Variants in UBE4B observed in about 807,000 individuals in gnomAD.
UBE4B encodes ubiquitination factor E4B, also known as ubiquitin conjugation factor E4 B.
Under a neutral mutation model 148.1 loss-of-function variants are expected in UBE4B, and 27 were observed. The ratio of observed to expected loss-of-function variants is 0.18; its 90% CI spans 0.13 to 0.25. The LOEUF (loss-of-function observed/expected upper bound fraction) is 0.25. Ranked by LOEUF, UBE4B falls within the 10% of genes least tolerant of loss-of-function variation. The pLI, the probability that UBE4B is intolerant of heterozygous loss-of-function variation, is 1.00. For missense variants in UBE4B, 1,170 were observed against 1,662.4 expected, an observed-to-expected ratio of 0.70 and a Z score of 5.15; for synonymous variants, 596 against 619.3, an observed-to-expected ratio of 0.96 and a Z score of 0.56.
chr1:10,096,163 C>G (rs193250408), intron 3 of UBE4B, among the ~76,000 whole-genome samples: 1 of 152,162 alleles, frequency 6.6e-6, no homozygotes, highest in South Asian at 2.1e-4. Flanking sequence ...ATAAAGTTGG[C>G]AAGCATATGC....
chr1:10,119,492 A>C (rs747287073), intron 8 of UBE4B, 21 bp from the exon 9 acceptor site: 1 of 1,612,178 alleles, frequency 6.2e-7, no homozygotes. Flanking sequence ...TGTCGTCCTC[A>C]CTTCCACCTT....
At position 10,095,522 on chromosome 1, in the gene UBE4B, T is replaced by C. The variant is rs1028237953; in HGVS notation, c.273T>C (p.Asn91=). The C allele has an allele frequency of 6.8e-6, 11 of 1,614,046 alleles. No individual in the cohort carries two copies. In the Admixed American group the frequency reaches 8.3e-5, roughly 12 times the overall value. ...GVSSLSSSPS[N]SLETQSQSLS... ...GTTCTCTCAGCAGCTCGCCCTCTAA[T>C]AGCCTTGAAACGCAATCTCAGTCTC... is the stretch of plus-strand genomic sequence containing the variant. Residue 91 remains asparagine (N), a synonymous_variant, in exon 3 of 28, where the codon AAT becomes AAC. Transcript: ENST00000343090.
At position 10,095,509 on chromosome 1, in the gene UBE4B, G is replaced by C. The variant is rs775888771; in HGVS notation, c.260G>C (p.Ser87Thr). The C allele has an allele frequency of 3.8e-5, 62 of 1,613,996 alleles. No individual in the cohort carries two copies. The Middle Eastern group carries it at 4.1e-3, about 107-fold the overall frequency. ...AGTGAAGGAGTCAGTTCTCTCAGCA[G>C]CTCGCCCTCTAATAGCCTTGAAACG... is the stretch of plus-strand genomic sequence containing the variant. ...QSSEGVSSLS[S>T]SPSNSLETQS... Residue 87 changes from serine (S) to threonine (T), a missense_variant, in exon 3 of 28, where the codon AGC becomes ACC. Coordinates refer to ENST00000343090, the MANE Select transcript of UBE4B (RefSeq NM_001105562.3).
chr1:10,168,097 G>T lies in UBE4B; in HGVS notation c.3199-39G>T. 6.3e-7 allele frequency: 1 copy of T among 1,595,922 alleles called. No homozygotes were observed. Among genetic ancestry groups the T allele is most frequent in the South Asian group, 1.1e-5 (1 of 89,978 alleles). On this transcript the variant is annotated intron_variant, in intron 23 of 27. Coordinates refer to ENST00000343090, the MANE Select transcript of UBE4B (RefSeq NM_001105562.3). This position sits in a 1 kb window ranked among gnomAD's most constrained non-coding sequence, Gnocchi z 4.9. ...TGGCGCTTTGCTGAGCTGATGACCA[G>T]GACCGAGCCTTACTCAGCGTCTGTT...
chr1:10,072,605 C>T, intron 2 of UBE4B: 6 of 660,556 alleles, frequency 9.1e-6, no homozygotes, highest in South Asian at 1.7e-5. Flanking sequence ...CAGATTTCCT[C>T]GTCTTCATTC....
intron 1 of UBE4B, among the ~76,000 whole-genome samples, chr1:10,055,752 T>C (rs184119926): frequency 6.6e-6 from 1 of 152,132 alleles, no homozygotes; most frequent in African/African-American, 2.4e-5. Flanking sequence ...AAACCCTGTC[T>C]TTACTAAAAA....
intron 25 of UBE4B, among the ~76,000 whole-genome samples, chr1:10,172,160 C>A (rs1646348402): frequency 6.6e-6 from 1 of 152,126 alleles, no homozygotes; most frequent in Non-Finnish European, 1.5e-5. Context: ...CTCCTGTGAG[C>A]AGATCTGTCT....
intron 1 of UBE4B, among the ~76,000 whole-genome samples, chr1:10,047,488 CT>C (rs952378949): frequency 0.038 from 4,383 of 116,048 alleles, 60 homozygotes; most frequent in African/African-American, 0.099. Context: ...CTTCATATAT[CT>C]TTTTTTTTTT....
chr1:10,179,645 G>A, intron 27 of UBE4B, 83 bp downstream of exon 27: 1 of 1,577,778 alleles, frequency 6.3e-7, no homozygotes, highest in South Asian at 1.1e-5. Flanking sequence ...AGATGAAGCA[G>A]AAGGGAAATT....
intron 17 of UBE4B, among the ~76,000 whole-genome samples, chr1:10,139,546 G>C (rs768310047): frequency 1.5e-4 from 23 of 152,226 alleles, no homozygotes; most frequent in Admixed American, 7.2e-4. Flanking sequence ...TCTGTGTGGG[G>C]ATGTTTTTAA....
At position 10,161,327 on chromosome 1, in the gene UBE4B, A is replaced by G; in HGVS notation, c.3198+41A>G. Reference sequence around the variant, plus strand: ...AGAGGCTTGGACAGCTTTGCAGGCCATCTGCCTCCACACACGGGCAGAGCT... The same window carrying G: ...AGAGGCTTGGACAGCTTTGCAGGCCGTCTGCCTCCACACACGGGCAGAGCT... On this transcript the variant is annotated intron_variant, in intron 23 of 27. Transcript: ENST00000343090. This position sits in a 1 kb window ranked among gnomAD's most constrained non-coding sequence, Gnocchi z 4.1. 1.2e-6 allele frequency: 2 copies of G among 1,601,308 alleles called. No homozygotes were observed. The highest frequency in any genetic ancestry group is 1.7e-6 in the Non-Finnish European group (2 of 1,171,200).
chr1:10,096,279 T>C (rs1166466176), intron 3 of UBE4B, among the ~76,000 whole-genome samples: 1 of 152,116 alleles, frequency 6.6e-6, no homozygotes, highest in Non-Finnish European at 1.5e-5. Context: ...CAAGGTGTCT[T>C]GAAAGAGCCC....
Position 10,148,144 on chromosome 1 carries a change from G to A in UBE4B, c.2592-1040G>A, listed in dbSNP as rs929238284. ...CGGGAGGCTGAGGCAGGAGAATGGC[G>A]TGAACCTGGGAGGCGGAGCTTCCGG... On this transcript the variant is annotated intron_variant, in intron 19 of 27. Transcript: ENST00000343090. 8.0e-5 allele frequency among the ~76,000 whole-genome samples: 12 copies of A among 149,502 alleles called. No individual in the cohort carries two copies. The East Asian group carries it at 9.9e-4, about 12-fold the overall frequency.
At position 10,033,558 on chromosome 1, in the gene UBE4B, C is replaced by G; in HGVS notation, c.-113C>G. 1.6e-6 allele frequency: 2 copies of G among 1,279,876 alleles called. No homozygotes were observed. Among genetic ancestry groups the G allele is most frequent in the South Asian group, 2.0e-5 (1 of 50,416 alleles). The allele number at this position is 1,279,876 out of a possible 1,614,324, so 79.3% of individuals were successfully genotyped here. On this transcript the variant is annotated 5_prime_UTR_variant, in exon 1 of 28. Transcript: ENST00000343090. ...TGACTATGCAATTCTGAAACCTCCC[C>G]CATTCGGGGGACCAGACAGCCTGAT... is the stretch of plus-strand genomic sequence containing the variant.
At chr1:10,174,152 T>G (rs539869238) in intron 25 of UBE4B, among the ~76,000 whole-genome samples, 1 of 152,220 alleles carries the variant, frequency 6.6e-6, no homozygotes, top group East Asian at 1.9e-4. Flanking sequence ...TCCCAGCACT[T>G]TGGGAGGCCA....
At chr1:10,081,548 C>G (rs1031187289) in intron 2 of UBE4B, among the ~76,000 whole-genome samples, 3 of 151,866 alleles carry the variant, frequency 2.0e-5, no homozygotes, top group Non-Finnish European at 4.4e-5. Flanking sequence ...CCTCAGCCTC[C>G]CAAGTAGCTG....
chr1:10,051,970 G>C (rs1353721819), intron 1 of UBE4B, among the ~76,000 whole-genome samples: 1 of 152,188 alleles, frequency 6.6e-6, no homozygotes, highest in East Asian at 1.9e-4. Context: ...AGATTGAGAA[G>C]TGACTTTACC....
chr1:10,172,641 G>A (rs757678873), intron 25 of UBE4B, among the ~76,000 whole-genome samples: 4 of 151,868 alleles, frequency 2.6e-5, no homozygotes, highest in Non-Finnish European at 5.9e-5. Context: ...ATTCTAGAAG[G>A]TTCTTTACCC....
At chr1:10,147,610 A>G (rs769262110) in intron 19 of UBE4B, among the ~76,000 whole-genome samples, 22 of 152,254 alleles carry the variant, frequency 1.4e-4, no homozygotes, top group Non-Finnish European at 3.1e-4. Context: ...AAATGTCAAC[A>G]CCTGTTATTT....
Sources: gnomAD v4.1 joint callset for allele counts (sites outside exome capture counted in the v4.1 genomes callset) on GRCh38, gnomAD v4.1.1 for gene constraint, Gnocchi (gnomAD v3.1) non-coding constraint, MANE v1.5 for transcripts, NCBI Gene and HGNC (gene_info 2026-07-23, HGNC 2026-07-21) for gene names.